The following PARM1 variants were observed in gnomAD, a reference collection of about 807,000 sequenced individuals.
The protein encoded by PARM1 is prostate androgen-regulated mucin-like protein 1.
A neutral mutation model predicts 24.6 loss-of-function variants in PARM1; 14 were observed. The observed-to-expected ratio is 0.57, with a 90% CI of 0.38 to 0.89. The LOEUF (loss-of-function observed/expected upper bound fraction) is 0.89. Ranked by LOEUF, PARM1 falls within the 40% of genes least tolerant of loss-of-function variation. The pLI, the probability that PARM1 is intolerant of heterozygous loss-of-function variation, is 0.00. For synonymous variants in PARM1, 179 were observed against 156.6 expected (o/e 1.14, Z -1.07); for missense variants, 362 against 380.4 (o/e 0.95, Z 0.40).
At chr4:75,000,444 CCTT>C (rs777174483) in intron 1 of PARM1, among the ~76,000 whole-genome samples, 2 of 152,188 alleles carry the variant, frequency 1.3e-5, no homozygotes, top group African/African-American at 4.8e-5. Flanking sequence ...GAGAAAGTCT[CCTT>C]CTGCCTTTCA....
chr4:74,974,914 A>G (rs181939467), intron 1 of PARM1, among the ~76,000 whole-genome samples: 2 of 152,218 alleles, frequency 1.3e-5, no homozygotes, highest in East Asian at 3.9e-4. Flanking sequence ...CAACCCAGGA[A>G]AGGGCATCTC....
At chr4:74,980,159 A>G (rs1273656273) in intron 1 of PARM1, among the ~76,000 whole-genome samples, 1 of 152,200 alleles carries the variant, frequency 6.6e-6, no homozygotes, top group Non-Finnish European at 1.5e-5. Flanking sequence ...TCAAATTGGA[A>G]GAGAAAAAGT....
intron 1 of PARM1, among the ~76,000 whole-genome samples, chr4:74,991,231 C>T (rs1722460800): frequency 6.6e-6 from 1 of 152,026 alleles, no homozygotes; most frequent in Admixed American, 6.6e-5. Flanking sequence ...TAATGGAAAC[C>T]AGATTCAACT....
intron 1 of PARM1, among the ~76,000 whole-genome samples, chr4:74,960,929 C>T (rs566016119): frequency 2.0e-4 from 30 of 150,854 alleles, no homozygotes; most frequent in African/African-American, 4.4e-4. Context: ...GGCGTGAACC[C>T]GGGAGGCGGA....
At chr4:75,007,873 A>G (rs1722802055) in intron 1 of PARM1, among the ~76,000 whole-genome samples, 1 of 152,238 alleles carries the variant, frequency 6.6e-6, no homozygotes, top group Non-Finnish European at 1.5e-5. Flanking sequence ...TCACGTGAGG[A>G]CACAGATAGA....
At chr4:74,948,953 C>T (rs867681896) in intron 1 of PARM1, among the ~76,000 whole-genome samples, 81 of 151,942 alleles carry the variant, frequency 5.3e-4, no homozygotes, top group Middle Eastern at 3.2e-3. Context: ...ACCCAGGAGG[C>T]GGAGGTTGCA....
chr4:74,947,361 G>GA (rs201396282), intron 1 of PARM1, among the ~76,000 whole-genome samples: 34 of 149,712 alleles, frequency 2.3e-4, no homozygotes, highest in African/African-American at 4.9e-4. Context: ...GAATTACAAG[G>GA]AAAAAAAAAG....
At chr4:74,981,738 A>G (rs1182445753) in intron 1 of PARM1, among the ~76,000 whole-genome samples, 2 of 151,940 alleles carry the variant, frequency 1.3e-5, no homozygotes, top group Non-Finnish European at 2.9e-5. Context: ...AGCTGGGCAC[A>G]GTGGAAGGCG....
At chr4:74,974,954 C>T (rs2109767877) in intron 1 of PARM1, among the ~76,000 whole-genome samples, 1 of 152,288 alleles carries the variant, frequency 6.6e-6, no homozygotes, top group South Asian at 2.1e-4. Flanking sequence ...AGACCCTGAT[C>T]TCAGACTTCT....
intron 1 of PARM1, chr4:74,965,190 T>G (rs1428387837): frequency 2.6e-5 from 4 of 152,242 alleles, no homozygotes; most frequent in African/African-American, 4.8e-5. Flanking sequence ...AAAAATGTTT[T>G]TAATAACCTT....
chr4:75,014,150 A>G (rs995620809), intron 2 of PARM1, among the ~76,000 whole-genome samples: 1 of 152,184 alleles, frequency 6.6e-6, no homozygotes. Context: ...CACTGAGGAG[A>G]GAATCACAAC....
intron 1 of PARM1, among the ~76,000 whole-genome samples, chr4:74,991,966 C>A (rs1382423273): frequency 1.3e-5 from 2 of 152,158 alleles, no homozygotes; most frequent in Admixed American, 6.6e-5. Context: ...TCCTTGTGTT[C>A]AATTAATTTG....
chr4:74,970,632 G>A (rs567675661), intron 1 of PARM1, among the ~76,000 whole-genome samples: 1 of 152,278 alleles, frequency 6.6e-6, no homozygotes, highest in South Asian at 2.1e-4. Flanking sequence ...TGGATTGCCT[G>A]CTTTATAGAT....
intron 2 of PARM1, among the ~76,000 whole-genome samples, chr4:75,020,622 G>A (rs960324989): frequency 7.2e-5 from 11 of 151,940 alleles, no homozygotes; most frequent in African/African-American, 2.4e-4. Flanking sequence ...GGGGCACTCC[G>A]CTGCTTTTAG....
intron 2 of PARM1, among the ~76,000 whole-genome samples, chr4:75,028,251 G>T (rs374681242): frequency 2.0e-5 from 3 of 152,320 alleles, no homozygotes; most frequent in African/African-American, 4.8e-5. Flanking sequence ...TGCTCTTGCT[G>T]TGAGAATGAA....
chr4:74,979,823 G>A (rs1372455716), intron 1 of PARM1, among the ~76,000 whole-genome samples: 3 of 152,062 alleles, frequency 2.0e-5, no homozygotes, highest in South Asian at 2.1e-4. Flanking sequence ...TACACAAATC[G>A]ATAAACGTTA....
At chr4:74,951,050 T>C (rs1294830860) in intron 1 of PARM1, among the ~76,000 whole-genome samples, 2 of 152,224 alleles carry the variant, frequency 1.3e-5, no homozygotes, top group Non-Finnish European at 2.9e-5. Context: ...GGGACTTTAA[T>C]GTTGCTCCTT....
intron 1 of PARM1, chr4:74,997,815 T>G (rs981443459): frequency 1.3e-5 from 2 of 152,198 alleles, no homozygotes; most frequent in Non-Finnish European, 2.9e-5. Context: ...AGGAATATAT[T>G]AAAAAGTGGT....
At chr4:75,001,814 C>T (rs1293466150) in intron 1 of PARM1, among the ~76,000 whole-genome samples, 1 of 152,134 alleles carries the variant, frequency 6.6e-6, no homozygotes, top group Non-Finnish European at 1.5e-5. Flanking sequence ...AGAGGAAACA[C>T]CCTCTAAGTT....
Sources: allele counts gnomAD v4.1 joint callset (sites outside exome capture counted in the v4.1 genomes callset), GRCh38; gene constraint gnomAD v4.1.1; transcripts MANE v1.5; gene names NCBI Gene and HGNC (gene_info 2026-07-23, HGNC 2026-07-21).